Variants in PRICKLE2 observed in about 807,000 individuals in gnomAD.
PRICKLE2 encodes the protein prickle planar cell polarity protein 2.
A neutral mutation model predicts 81.4 loss-of-function variants in PRICKLE2; 21 were observed. The observed-to-expected ratio is 0.26, with a 90% confidence interval of 0.18 to 0.37. PRICKLE2 has a LOEUF of 0.37. Among genes scored for constraint, PRICKLE2 ranks in the 10% least tolerant of loss-of-function variants. PRICKLE2 has a pLI of 1.00. For missense variants in PRICKLE2, 940 were observed against 1,109.0 expected (o/e 0.85, Z 2.16); for synonymous variants, 456 against 421.5 (o/e 1.08, Z -1.00).
chr3:64,169,379 G>A (rs998263589), intron 2 of PRICKLE2, among the ~76,000 whole-genome samples: 1 of 152,150 alleles, frequency 6.6e-6, no homozygotes, highest in African/African-American at 2.4e-5. Context: ...ACTAACCCTG[G>A]ATTGCGTTTC....
intron 7 of PRICKLE2, chr3:64,101,421 A>T (rs1246493935): frequency 6.6e-6 from 1 of 152,238 alleles, no homozygotes; most frequent in Admixed American, 6.5e-5. Context: ...AAATTAAAAG[A>T]ACCAGGATCT....
intron 2 of PRICKLE2, among the ~76,000 whole-genome samples, chr3:64,258,461 T>C (rs1298147397): frequency 6.6e-6 from 1 of 152,112 alleles, no homozygotes; most frequent in Admixed American, 6.5e-5. Flanking sequence ...GGCAGCCAGG[T>C]ATGCAAGAGT....
chr3:64,199,736 A>T (rs1451947360), intron 1 of PRICKLE2: 1 of 152,230 alleles, frequency 6.6e-6, no homozygotes, highest in Non-Finnish European at 1.5e-5. Context: ...TCTCTTATCC[A>T]TAGCTACAGA....
intron 2 of PRICKLE2, among the ~76,000 whole-genome samples, chr3:64,168,909 T>C (rs565627256): frequency 6.6e-6 from 1 of 151,660 alleles, no homozygotes; most frequent in African/African-American, 2.4e-5. Context: ...AAGTGAAAAA[T>C]CTCCAAATTA....
chr3:64,153,442 G>A, intron 5 of PRICKLE2, 74 bp from the exon 6 acceptor site: 1 of 1,456,078 alleles, frequency 6.9e-7, no homozygotes, highest in South Asian at 1.1e-5. Context: ...AAAGCTATGG[G>A]GTCCTTGAAC....
At chr3:64,225,482 A>G (rs1001834993), upstream of PRICKLE2, 20 of 984,078 alleles carry the variant, frequency 2.0e-5, no homozygotes, top group Non-Finnish European at 2.4e-5. Flanking sequence ...CATCCTCCGC[A>G]TGCTAATGAA....
At chr3:64,198,085 G>A (rs2078493042) in intron 2 of PRICKLE2, among the ~76,000 whole-genome samples, 1 of 151,844 alleles carries the variant, frequency 6.6e-6, no homozygotes, top group African/African-American at 2.4e-5. Context: ...GGTGGCGGGT[G>A]CCTGTAGTCC....
intron 6 of PRICKLE2, among the ~76,000 whole-genome samples, chr3:64,150,321 C>A (rs2077524893): frequency 2.0e-5 from 3 of 152,020 alleles, no homozygotes; most frequent in Non-Finnish European, 4.4e-5. Flanking sequence ...CTTCATTTCT[C>A]TTTGTTTTGG....
intron 7 of PRICKLE2, among the ~76,000 whole-genome samples, chr3:64,119,608 G>T (rs1245461042): frequency 1.3e-5 from 2 of 152,198 alleles, no homozygotes; most frequent in Admixed American, 6.5e-5. Flanking sequence ...TACGATTGGT[G>T]CAAATGTAAG....
chr3:64,221,468 C>G (rs1477842916), intron 1 of PRICKLE2, among the ~76,000 whole-genome samples: 1 of 151,614 alleles, frequency 6.6e-6, no homozygotes, highest in East Asian at 1.9e-4. Context: ...CGCACACACA[C>G]AGCATAAAAA....
At chr3:64,217,500 C>A (rs989925649) in intron 1 of PRICKLE2, among the ~76,000 whole-genome samples, 3 of 152,092 alleles carry the variant, frequency 2.0e-5, no homozygotes, top group Non-Finnish European at 4.4e-5. Flanking sequence ...CATTCACATT[C>A]GTAAGAACGA....
intron 2 of PRICKLE2, among the ~76,000 whole-genome samples, chr3:64,258,889 G>GAAATAAAT (rs1231045065): frequency 1.4e-4 from 20 of 142,126 alleles, no homozygotes; most frequent in African/African-American, 4.2e-4. Context: ...AAGAAAGAAA[G>GAAATAAAT]AAAGAAATCA....
chr3:64,117,041 T>G (rs1245429027), intron 7 of PRICKLE2, among the ~76,000 whole-genome samples: 1 of 152,226 alleles, frequency 6.6e-6, no homozygotes, highest in Non-Finnish European at 1.5e-5. Flanking sequence ...CAAGTTTGAT[T>G]CATCATATGT....
intron 1 of PRICKLE2, among the ~76,000 whole-genome samples, chr3:64,220,641 G>T (rs768890435): frequency 5.9e-5 from 9 of 152,182 alleles, no homozygotes; most frequent in Middle Eastern, 6.8e-3. Flanking sequence ...CCTCCTGTAG[G>T]TTCACTCTGC....
chr3:64,266,393 C>G (rs1224685688), intron 2 of PRICKLE2, among the ~76,000 whole-genome samples: 1 of 152,180 alleles, frequency 6.6e-6, no homozygotes, highest in Non-Finnish European at 1.5e-5. Flanking sequence ...CTTGAAACTT[C>G]CATCCAGTCA....
intron 3 of PRICKLE2, among the ~76,000 whole-genome samples, chr3:64,161,786 A>T (rs952016735): frequency 3.9e-5 from 6 of 151,952 alleles, no homozygotes; most frequent in Non-Finnish European, 8.8e-5. Context: ...AACAGCCCAG[A>T]ATATATGGTT....
At chr3:64,142,464 C>T (rs1420227913) in intron 7 of PRICKLE2, among the ~76,000 whole-genome samples, 1 of 152,072 alleles carries the variant, frequency 6.6e-6, no homozygotes, top group Admixed American at 6.6e-5. Context: ...TCATGCACCA[C>T]CATGCCTGGC....
At chr3:64,110,320 A>G (rs1435029281) in intron 7 of PRICKLE2, among the ~76,000 whole-genome samples, 1 of 152,202 alleles carries the variant, frequency 6.6e-6, no homozygotes, top group East Asian at 1.9e-4. Flanking sequence ...AATGGCTCCC[A>G]AGTGGTAGAG....
At chr3:64,210,333 G>A (rs1485604069) in intron 1 of PRICKLE2, among the ~76,000 whole-genome samples, 2 of 152,126 alleles carry the variant, frequency 1.3e-5, no homozygotes, top group African/African-American at 4.8e-5. Flanking sequence ...CAGTCTGAAT[G>A]AGGGACCCAG....
Sources: allele counts gnomAD v4.1 joint callset (sites outside exome capture counted in the v4.1 genomes callset), GRCh38; gene constraint gnomAD v4.1.1; transcripts MANE v1.5; gene names NCBI Gene and HGNC (gene_info 2026-07-23, HGNC 2026-07-21).